The following SSX2IP variants were observed in gnomAD, a reference collection of about 807,000 sequenced individuals.
SSX2IP encodes afadin- and alpha-actinin-binding protein.
A neutral mutation model predicts 84.9 loss-of-function variants in SSX2IP; 55 were observed. That is an observed-to-expected ratio of 0.65 (90% CI 0.52 to 0.81). SSX2IP has a LOEUF of 0.81. Ranked by LOEUF, SSX2IP falls within the 30% of genes least tolerant of loss-of-function variation. SSX2IP has a pLI of 0.00. For synonymous variants in SSX2IP, 239 were observed against 234.7 expected (o/e 1.02, Z -0.17); for missense variants, 664 against 705.2 (o/e 0.94, Z 0.66).
rs751830966 is a variant in SSX2IP, at chr1:84,647,644, C to T, written c.1671-37G>A. 6.2e-6 allele frequency: 9 copies of T among 1,446,918 alleles called. No homozygotes were observed. In the African/African-American group the frequency reaches 9.9e-5, roughly 16 times the overall value. The allele number at this position is 1,446,918 out of a possible 1,614,324, so 89.6% of individuals were successfully genotyped here. On this transcript the variant is annotated intron_variant, in intron 13 of 13. Coordinates refer to ENST00000342203, the MANE Select transcript of SSX2IP (RefSeq NM_001166293.2). ...AGAAAGGCAGATCTTAGTGACTATC[C>T]TCTCCTTCTTTTGTACTTTAACCTC...
chr1:84,682,939 TTTA>T (rs1472710386), intron 1 of SSX2IP, among the ~76,000 whole-genome samples: 6 of 152,196 alleles, frequency 3.9e-5, no homozygotes, highest in Non-Finnish European at 8.8e-5. Flanking sequence ...TTCTAAGCAT[TTTA>T]TGTGTACGAA....
At chr1:84,660,895 C>CAAAAA (rs11362631) in intron 8 of SSX2IP, among the ~76,000 whole-genome samples, 2 of 98,050 alleles carry the variant, frequency 2.0e-5, no homozygotes, top group African/African-American at 4.2e-5. Context: ...TACTAAAATA[C>CAAAAA]AAAAAAAAAA....
intron 1 of SSX2IP, among the ~76,000 whole-genome samples, chr1:84,675,279 T>TA (rs1353740882): frequency 1.3e-5 from 2 of 152,184 alleles, no homozygotes; most frequent in African/African-American, 4.8e-5. Flanking sequence ...AGAACAAACT[T>TA]AGTTTTCTAG....
intron 13 of SSX2IP, among the ~76,000 whole-genome samples, chr1:84,648,406 T>A (rs1176727527): frequency 6.6e-6 from 1 of 152,212 alleles, no homozygotes; most frequent in South Asian, 2.1e-4. Flanking sequence ...AAAAAGCATG[T>A]TTATATTTGT....
intron 11 of SSX2IP, chr1:84,655,372 G>T: frequency 3.4e-6 from 4 of 1,193,896 alleles, no homozygotes; most frequent in Non-Finnish European, 4.2e-6. Context: ...ATATGTAGAT[G>T]ACACATTGCT....
intron 11 of SSX2IP, chr1:84,652,220 C>A: frequency 2.3e-6 from 1 of 436,078 alleles, no homozygotes; most frequent in African/African-American, 2.0e-5. Flanking sequence ...CTGAGGAGTT[C>A]CAAACCAGCC....
rs1557475567 is a variant in SSX2IP, at chr1:84,655,921, C to G, written c.1300G>C (p.Glu434Gln). The change falls in exon 11 of 14, where the codon GAA becomes CAA. Residue 434 changes from glutamate to glutamine, a missense_variant. Glu to Gln is a conservative substitution (Grantham distance 29, BLOSUM62 2). Coordinates refer to ENST00000342203, the MANE Select transcript of SSX2IP (RefSeq NM_001166293.2). ...TGCTCTTTAAAAAGGGACCATTCTTCTTTGAGACGTTCCTTTTCTTCCAAC... is the reference window on the plus strand; with the variant it reads ...TGCTCTTTAAAAAGGGACCATTCTTGTTTGAGACGTTCCTTTTCTTCCAAC... ...YLLEEKERLK[E>Q]EWSLFKEQKK... 1 of 1,613,938 alleles carries G rather than the reference C, an allele frequency of 6.2e-7. No homozygotes were observed. Among genetic ancestry groups the G allele is most frequent in the South Asian group, 1.1e-5 (1 of 91,072 alleles).
At position 84,678,869 on chromosome 1, in the gene SSX2IP, G is replaced by GCTTTCT. The variant is rs1476670042; in HGVS notation, c.-89-7562_-89-7561insAGAAAG. Among the ~76,000 whole-genome samples the GCTTTCT allele has an allele frequency of 5.6e-4, 86 of 152,270 alleles. No individual in the cohort carries two copies. In the Middle Eastern group the frequency reaches 0.01, roughly 18 times the overall value. ...GTCACTTGAAAGTCAAACTTGAGAA[G>GCTTTCT]GTACAATTGCCTACCTACTCAGAAT... On this transcript the variant is annotated intron_variant, in intron 1 of 13. Transcript: ENST00000342203.
chr1:84,647,693 A>C, intron 13 of SSX2IP, 86 bp from the exon 14 acceptor site: 1 of 1,091,296 alleles, frequency 9.2e-7, no homozygotes, highest in Non-Finnish European at 1.2e-6. Flanking sequence ...CTTCAAAAAA[A>C]ATAAGTTCCT....
chr1:84,678,912 C>T (rs924661761), intron 1 of SSX2IP, among the ~76,000 whole-genome samples: 1 of 152,130 alleles, frequency 6.6e-6, no homozygotes, highest in African/African-American at 2.4e-5. Context: ...CAATTTCAGT[C>T]GACAGAAAAT....
chr1:84,665,006 T>C (rs1652562112), intron 5 of SSX2IP, among the ~76,000 whole-genome samples: 1 of 152,144 alleles, frequency 6.6e-6, no homozygotes, highest in East Asian at 1.9e-4. Flanking sequence ...TTAAAAACAA[T>C]TCTCGAGTAA....
chr1:84,666,272 G>C (rs1366767509), intron 4 of SSX2IP, 40 bp from the exon 5 acceptor site: 1 of 1,454,534 alleles, frequency 6.9e-7, no homozygotes, highest in African/African-American at 1.4e-5. Context: ...AATTAATAAA[G>C]GATTTAGAAT....
chr1:84,689,621 C>T (rs961761757), intron 1 of SSX2IP, among the ~76,000 whole-genome samples: 1 of 152,218 alleles, frequency 6.6e-6, no homozygotes, highest in African/African-American at 2.4e-5. Flanking sequence ...AAAATTCCTA[C>T]ATTATACGTG....
chr1:84,660,690 G>A (rs192419088), intron 8 of SSX2IP, among the ~76,000 whole-genome samples: 3 of 151,942 alleles, frequency 2.0e-5, no homozygotes, highest in African/African-American at 7.2e-5. Context: ...GCTTGAACCC[G>A]AGAGGCAGAG....
chr1:84,652,783 CG>C lies in SSX2IP; in HGVS notation c.1390-787del, dbSNP rs374552124. Among the ~76,000 whole-genome samples, 45 of 151,034 alleles carry C rather than the reference CG, an allele frequency of 3.0e-4. No homozygotes were observed. The Middle Eastern group carries it at 0.011, about 36-fold the overall frequency. On this transcript the variant is annotated intron_variant, in intron 11 of 13. Transcript: ENST00000342203. The stretch of plus-strand genomic sequence containing the variant: ...GCTCACGCCTGTAATCCCAGCACTT[CG>C]GGAGGCCAAGGCGGGTGGATCACGA...
At position 84,685,929 on chromosome 1, in the gene SSX2IP, T is replaced by C. The variant is rs554243102; in HGVS notation, c.-90+4442A>G. 3.3e-4 allele frequency among the ~76,000 whole-genome samples: 50 copies of C among 152,320 alleles called. 1 individual carries two copies. In the South Asian group the frequency reaches 4.1e-3, roughly 13 times the overall value. On this transcript the variant is annotated intron_variant, in intron 1 of 13. Coordinates refer to ENST00000342203, the MANE Select transcript of SSX2IP (RefSeq NM_001166293.2). ...ACAATTAACAGGCAAATGAAAAGTA[T>C]AGGCAGTGGCTGGAACCCATCTTGA...
chr1:84,684,521 T>C (rs2102606309), intron 1 of SSX2IP, among the ~76,000 whole-genome samples: 1 of 152,148 alleles, frequency 6.6e-6, no homozygotes, highest in Non-Finnish European at 1.5e-5. Flanking sequence ...CCTTAGAGGA[T>C]GGGGGGAAAC....
At chr1:84,660,864 A>T (rs1249564529) in intron 8 of SSX2IP, among the ~76,000 whole-genome samples, 1 of 148,278 alleles carries the variant, frequency 6.7e-6, no homozygotes, top group Non-Finnish European at 1.5e-5. Context: ...CATCCTGGCT[A>T]ACATGGTAAA....
rs1430528593 is a variant in SSX2IP, at chr1:84,645,890, T to A, written c.*1543A>T. 6.6e-6 allele frequency: 1 copy of A among 152,112 alleles called. No individual in the cohort carries two copies. Among genetic ancestry groups the A allele is most frequent in the African/African-American group, 2.4e-5 (1 of 41,406 alleles). 9.4% of individuals were successfully genotyped at this position (152,112 alleles called of 1,614,324 possible). A position where few individuals can be genotyped will look rare whatever the true frequency, so the allele number is the denominator to read the frequency against. On this transcript the variant is annotated 3_prime_UTR_variant, in exon 14 of 14. Coordinates refer to ENST00000342203, the MANE Select transcript of SSX2IP (RefSeq NM_001166293.2). ...AGAGCTAGCTCTTTAAAACTATAAA[T>A]ATGGTTACTATGAGTATATCCACTA...
Sources: allele counts gnomAD v4.1 joint callset (sites outside exome capture counted in the v4.1 genomes callset), GRCh38; gene constraint gnomAD v4.1.1; transcripts MANE v1.5; gene names NCBI Gene and HGNC (gene_info 2026-07-23, HGNC 2026-07-21).